ANAPC10: variants seen among roughly 807,000 people sequenced by gnomAD.
ANAPC10 encodes anaphase promoting complex subunit 10.
Under a neutral mutation model 22.0 loss-of-function variants are expected in ANAPC10, and 12 were observed. That is an observed-to-expected ratio of 0.55 (90% confidence interval 0.35 to 0.88). The LOEUF is 0.88. Ranked by LOEUF, ANAPC10 falls within the 40% of genes least tolerant of loss-of-function variation. The pLI, the probability that ANAPC10 is intolerant of heterozygous loss-of-function variation, is 0.01. For synonymous variants in ANAPC10, 65 were observed against 69.5 expected (o/e 0.94, Z 0.32); for missense variants, 188 against 220.9 (o/e 0.85, Z 0.94).
chr4:145,091,219 G>A (rs1226934800), intron 2 of ANAPC10, among the ~76,000 whole-genome samples: 1 of 152,174 alleles, frequency 6.6e-6, no homozygotes, highest in Admixed American at 6.5e-5. Context: ...TCAGAGCAGT[G>A]GGGCATTTTC....
At chr4:145,089,836 T>C (rs1171670208) in intron 2 of ANAPC10, among the ~76,000 whole-genome samples, 1 of 152,184 alleles carries the variant, frequency 6.6e-6, no homozygotes, top group East Asian at 1.9e-4. Flanking sequence ...GATTTCCTTT[T>C]TATTTCTAAT....
chr4:145,085,106 T>C (rs941984921), intron 2 of ANAPC10, among the ~76,000 whole-genome samples: 6 of 152,104 alleles, frequency 3.9e-5, no homozygotes, highest in Non-Finnish European at 7.4e-5. Flanking sequence ...TGAGACACTG[T>C]CTATACAAAA....
At position 145,087,588 on chromosome 4, in the gene ANAPC10, G is replaced by A. The variant is rs547593885; in HGVS notation, c.116-5838C>T. ...ACACTGTGGCTATATACATTTAAACGAAGTAAAATTAAAAATTTAGTTCCT... is the reference window on the plus strand; with the variant it reads ...ACACTGTGGCTATATACATTTAAACAAAGTAAAATTAAAAATTTAGTTCCT... On this transcript the variant is annotated intron_variant, in intron 2 of 4. Coordinates refer to ENST00000507656, the MANE Select transcript of ANAPC10 (RefSeq NM_001256706.2). Among the ~76,000 whole-genome samples, 7 of 152,220 alleles carry A rather than the reference G, an allele frequency of 4.6e-5. No homozygotes were observed. The South Asian group carries it at 1.5e-3, about 32-fold the overall frequency.
At chr4:145,057,812 G>C (rs1742289884) in intron 4 of ANAPC10, among the ~76,000 whole-genome samples, 1 of 152,080 alleles carries the variant, frequency 6.6e-6, no homozygotes, top group Non-Finnish European at 1.5e-5. Flanking sequence ...GAGAATTCCA[G>C]ATGCCCCTTT....
rs117535847 is a variant in ANAPC10 at position 145,060,965 on chromosome 4, C to T, written c.327+3607G>A. Among the ~76,000 whole-genome samples, 86 of 152,154 alleles carry T rather than the reference C, an allele frequency of 5.7e-4. No individual in the cohort carries two copies. In the East Asian group the frequency reaches 0.014, roughly 26 times the overall value. ...TGTATAATTAAAAGATAAAAGTATT[C>T]ATATCACGAGCTGCAAAAGCTAGGC... is the stretch of plus-strand genomic sequence containing the variant. On this transcript the variant is annotated intron_variant, in intron 4 of 4. Transcript: ENST00000507656.
At chr4:145,045,318 A>G (rs1740139556) in intron 4 of ANAPC10, among the ~76,000 whole-genome samples, 1 of 152,092 alleles carries the variant, frequency 6.6e-6, no homozygotes, top group Non-Finnish European at 1.5e-5. Flanking sequence ...TATATGAGGA[A>G]ACTGAGGTTT....
intron 3 of ANAPC10, among the ~76,000 whole-genome samples, chr4:145,072,606 G>T (rs1011852692): frequency 6.6e-6 from 1 of 152,086 alleles, no homozygotes; most frequent in African/African-American, 2.4e-5. Context: ...TTATATAATA[G>T]AGGTAGGAAA....
At chr4:145,020,505 C>T (rs1735817426) in intron 4 of ANAPC10, among the ~76,000 whole-genome samples, 1 of 152,104 alleles carries the variant, frequency 6.6e-6, no homozygotes, top group Non-Finnish European at 1.5e-5. Context: ...AAAGCATTCC[C>T]TCTGAGAACT....
intron 4 of ANAPC10, among the ~76,000 whole-genome samples, chr4:145,037,038 GTA>G (rs759792614): frequency 0.12 from 12,328 of 107,192 alleles, 862 homozygotes; most frequent in South Asian, 0.2. Context: ...GTGTGTGTGT[GTA>G]TGTGTGTGCA....
intron 4 of ANAPC10, 79 bp downstream of exon 4, chr4:145,064,493 A>G: frequency 1.7e-6 from 2 of 1,181,206 alleles, no homozygotes; most frequent in Non-Finnish European, 1.2e-6. Flanking sequence ...TAACCTGTCT[A>G]ATGTAATGTC....
intron 4 of ANAPC10, among the ~76,000 whole-genome samples, chr4:145,034,391 T>C (rs1229999013): frequency 2.0e-5 from 3 of 151,934 alleles, no homozygotes; most frequent in Non-Finnish European, 4.4e-5. Context: ...GCTGGATGCC[T>C]CCTGCCCTTG....
Position 145,025,157 on chromosome 4 carries a change from G to A in ANAPC10, c.328-29554C>T, listed in dbSNP as rs532080621. The stretch of plus-strand genomic sequence containing the variant: ...CTGTGGATTAGGCTTTGACTTAAGG[G>A]AATGTTGTGGCTGGTTTGATTTTCT... On this transcript the variant is annotated intron_variant, in intron 4 of 4. Transcript: ENST00000507656. Among the ~76,000 whole-genome samples, 14 of 152,284 alleles carry A rather than the reference G, an allele frequency of 9.2e-5. No homozygotes were observed. The South Asian group carries it at 2.9e-3, about 32-fold the overall frequency.
intron 4 of ANAPC10, among the ~76,000 whole-genome samples, chr4:145,001,284 A>C (rs2126856163): frequency 6.6e-6 from 1 of 152,008 alleles, no homozygotes; most frequent in Admixed American, 6.6e-5. Flanking sequence ...AGAAAAGAAA[A>C]GAAAAGAAAT....
At chr4:145,063,826 C>CA (rs1743260748) in intron 4 of ANAPC10, among the ~76,000 whole-genome samples, 1 of 152,084 alleles carries the variant, frequency 6.6e-6, no homozygotes, top group Non-Finnish European at 1.5e-5. Flanking sequence ...GGACAAATCT[C>CA]AAAAACCCTA....
At chr4:145,004,088 TTC>T (rs1178877037) in intron 4 of ANAPC10, among the ~76,000 whole-genome samples, 1 of 152,182 alleles carries the variant, frequency 6.6e-6, no homozygotes, top group Admixed American at 6.6e-5. Flanking sequence ...AGGCAGGTTT[TTC>T]TCTCTGTGGC....
At chr4:145,030,488 T>G (rs1463305853) in intron 4 of ANAPC10, among the ~76,000 whole-genome samples, 1 of 152,190 alleles carries the variant, frequency 6.6e-6, no homozygotes, top group Non-Finnish European at 1.5e-5. Flanking sequence ...TGACATTGAT[T>G]CCAGGGGACC....
chr4:145,086,912 G>C (rs1257740638), intron 2 of ANAPC10, among the ~76,000 whole-genome samples: 2 of 151,904 alleles, frequency 1.3e-5, no homozygotes, highest in African/African-American at 4.8e-5. Context: ...TTATTGTTTG[G>C]TAAATATTCA....
chr4:145,016,178 T>C (rs1735099524), intron 4 of ANAPC10, among the ~76,000 whole-genome samples: 1 of 152,180 alleles, frequency 6.6e-6, no homozygotes. Flanking sequence ...AGAAGTCAAA[T>C]TGTCCCTGTT....
intron 4 of ANAPC10, among the ~76,000 whole-genome samples, chr4:145,020,739 G>C (rs1434691454): frequency 6.6e-6 from 1 of 151,662 alleles, no homozygotes; most frequent in Non-Finnish European, 1.5e-5. Context: ...AAAGTTTCCA[G>C]ATACAAGAAT....
Sources: gnomAD v4.1 joint callset for allele counts (sites outside exome capture counted in the v4.1 genomes callset) on GRCh38, gnomAD v4.1.1 for gene constraint, MANE v1.5 for transcripts, NCBI Gene and HGNC (gene_info 2026-07-23, HGNC 2026-07-21) for gene names.